RCOR1: variants seen among roughly 807,000 people sequenced by gnomAD.
RCOR1 encodes REST corepressor.
Under a neutral mutation model 64.0 loss-of-function variants are expected in RCOR1, and 12 were observed. That is an observed-to-expected ratio of 0.19 (90% CI 0.12 to 0.30). RCOR1 has a LOEUF of 0.30. Among genes scored for constraint, RCOR1 ranks in the 10% least tolerant of loss-of-function variants. The pLI, the probability that RCOR1 is intolerant of heterozygous loss-of-function variation, is 1.00. For synonymous variants in RCOR1, 279 were observed against 227.2 expected (o/e 1.23, Z -2.05); for missense variants, 502 against 621.2 (o/e 0.81, Z 2.04).
At chr14:102,605,708 C>G (rs995788101) in intron 2 of RCOR1, among the ~76,000 whole-genome samples, 6 of 152,250 alleles carry the variant, frequency 3.9e-5, no homozygotes, top group South Asian at 4.1e-4. Flanking sequence ...GAGTGTATTC[C>G]TACTTATAAA....
chr14:102,686,621 G>C (rs781677164), intron 3 of RCOR1, among the ~76,000 whole-genome samples: 1 of 152,144 alleles, frequency 6.6e-6, no homozygotes, highest in African/African-American at 2.4e-5. Flanking sequence ...CTAAACCCTG[G>C]CAACTGTTGA....
In RCOR1 at chr14:102,666,294, C is replaced by G. The variant is rs190899500; in HGVS notation, c.362-15601C>G. Among the ~76,000 whole-genome samples, 9 of 152,230 alleles carry G rather than the reference C, an allele frequency of 5.9e-5. 1 individual carries two copies. The highest frequency in any genetic ancestry group is 2.2e-4 in the African/African-American group (9 of 41,536). On this transcript the variant is annotated intron_variant, in intron 2 of 11. Coordinates refer to ENST00000262241, the MANE Select transcript of RCOR1 (RefSeq NM_015156.4). ...GGGTCTTGCATGCCATGGGTTTTTTCCCTAAAGACAGCGGGGGAAGCAGCA... is the reference window on the plus strand; with the variant it reads ...GGGTCTTGCATGCCATGGGTTTTTTGCCTAAAGACAGCGGGGGAAGCAGCA...
intron 2 of RCOR1, among the ~76,000 whole-genome samples, chr14:102,635,963 C>T (rs1047623058): frequency 1.3e-4 from 19 of 149,502 alleles, no homozygotes; most frequent in Middle Eastern, 6.9e-3. Flanking sequence ...TCCCTTCTGA[C>T]AGAGAGTCTC....
At chr14:102,628,109 A>C (rs1218787112) in intron 2 of RCOR1, among the ~76,000 whole-genome samples, 1 of 152,094 alleles carries the variant, frequency 6.6e-6, no homozygotes, top group Non-Finnish European at 1.5e-5. Context: ...CAGGTGAGCC[A>C]GTGTCTCAGC....
chr14:102,713,381 C>A lies in RCOR1; in HGVS notation c.859-1042C>A, dbSNP rs995858859. Among the ~76,000 whole-genome samples the A allele has an allele frequency of 3.3e-5, 5 of 151,010 alleles. 1 individual carries two copies. Among genetic ancestry groups the A allele is most frequent in the South Asian group, 2.1e-4 (1 of 4,778 alleles). On this transcript the variant is annotated intron_variant, in intron 7 of 11. Coordinates refer to ENST00000262241, the MANE Select transcript of RCOR1 (RefSeq NM_015156.4). ...TCATGCCATTCTCCTGCCTCAGCCT[C>A]CCGCCATTCTCCTGCTTCAGCCTCC...
At chr14:102,618,163 G>A (rs143976444) in intron 2 of RCOR1, among the ~76,000 whole-genome samples, 2,530 of 151,442 alleles carry the variant, frequency 0.017, 76 homozygotes, top group African/African-American at 0.058. Context: ...TAGTAGAGAT[G>A]GGGTCTCACC....
chr14:102,715,490 T>G (rs1354290755), intron 8 of RCOR1, among the ~76,000 whole-genome samples: 1 of 152,040 alleles, frequency 6.6e-6, no homozygotes, highest in Non-Finnish European at 1.5e-5. Context: ...CAAATGATCC[T>G]CCCATCTCAG....
intron 2 of RCOR1, among the ~76,000 whole-genome samples, chr14:102,674,059 T>G (rs557788675): frequency 6.6e-6 from 1 of 152,366 alleles, no homozygotes; most frequent in Admixed American, 6.5e-5. Context: ...GTACATATAT[T>G]CAGAGATTTA....
At chr14:102,673,020 AAATAGTATTTG>A (rs1340550353) in intron 2 of RCOR1, among the ~76,000 whole-genome samples, 1 of 152,136 alleles carries the variant, frequency 6.6e-6, no homozygotes, top group African/African-American at 2.4e-5. Context: ...AATGTACACA[AAATAGTATTTG>A]TCTGCTTAAC....
chr14:102,698,087 A>G (rs968626549), intron 3 of RCOR1, among the ~76,000 whole-genome samples: 1 of 152,238 alleles, frequency 6.6e-6, no homozygotes, highest in Non-Finnish European at 1.5e-5. Context: ...TATTGTTTAC[A>G]ATATGGCAGA....
intron 3 of RCOR1, among the ~76,000 whole-genome samples, chr14:102,684,150 C>T (rs920634004): frequency 6.6e-6 from 1 of 152,214 alleles, no homozygotes; most frequent in Non-Finnish European, 1.5e-5. Context: ...CCCCTGCCCC[C>T]AACCCGCTGC....
chr14:102,600,156 A>G (rs1322325079), intron 2 of RCOR1, among the ~76,000 whole-genome samples: 1 of 151,894 alleles, frequency 6.6e-6, no homozygotes, highest in Non-Finnish European at 1.5e-5. Flanking sequence ...GCGCGATCTC[A>G]GCTCACTACA....
At chr14:102,707,284 G>T (rs2139983782) in intron 4 of RCOR1, 67 bp from the exon 5 acceptor site, 3,001 of 1,056,818 alleles carry the variant, frequency 2.8e-3, no homozygotes, top group East Asian at 3.3e-3. Flanking sequence ...CTTTTCTTTT[G>T]CTGGTCTCAT....
At chr14:102,699,298 T>C (rs1895708126) in intron 3 of RCOR1, among the ~76,000 whole-genome samples, 1 of 152,262 alleles carries the variant, frequency 6.6e-6, no homozygotes, top group Admixed American at 6.5e-5. Flanking sequence ...CTGAGTGAAG[T>C]AACCAGTTTG....
rs534451066 is a variant in RCOR1 at position 102,595,620 on chromosome 14, C to T, written c.361+2295C>T. ...TGAGACGGAGTCTTGCTCTGTCCCTCAGGCTGGAGTGCGCAGTGGTGTGAT... is the reference window on the plus strand; with the variant it reads ...TGAGACGGAGTCTTGCTCTGTCCCTTAGGCTGGAGTGCGCAGTGGTGTGAT... On this transcript the variant is annotated intron_variant, in intron 2 of 11. Coordinates refer to ENST00000262241, the MANE Select transcript of RCOR1 (RefSeq NM_015156.4). Among the ~76,000 whole-genome samples, 3 of 150,936 alleles carry T rather than the reference C, an allele frequency of 2.0e-5. No homozygotes were observed. The East Asian group carries it at 5.8e-4, about 29-fold the overall frequency.
Position 102,593,196 on chromosome 14 carries a change from C to A in RCOR1, c.301+9C>A. The A allele has an allele frequency of 6.7e-7, 1 of 1,484,022 alleles. No homozygotes were observed. Among genetic ancestry groups the A allele is most frequent in the Non-Finnish European group, 8.9e-7 (1 of 1,122,600 alleles). The allele number at this position is 1,484,022 out of a possible 1,614,324, so 91.9% of individuals were successfully genotyped here. ...CAGCGACGAGGAGCACGGTAGGTGG[C>A]AGCCGCCCCCGCGGCCCCGGGCCCC... On this transcript the variant is annotated intron_variant, in intron 1 of 11. Coordinates refer to ENST00000262241, the MANE Select transcript of RCOR1 (RefSeq NM_015156.4).
chr14:102,675,258 T>C (rs1342302270), intron 2 of RCOR1, among the ~76,000 whole-genome samples: 1 of 152,110 alleles, frequency 6.6e-6, no homozygotes, highest in African/African-American at 2.4e-5. Context: ...ACTCCTCCCT[T>C]ATCCATGAAA....
chr14:102,615,855 C>A (rs888999640), intron 2 of RCOR1, among the ~76,000 whole-genome samples: 2 of 152,194 alleles, frequency 1.3e-5, no homozygotes, highest in African/African-American at 4.8e-5. Context: ...ACTACACTTT[C>A]ACAACATGCT....
At chr14:102,675,392 CTG>C in intron 2 of RCOR1, among the ~76,000 whole-genome samples, 1 of 152,264 alleles carries the variant, frequency 6.6e-6, no homozygotes, top group African/African-American at 2.4e-5. Flanking sequence ...GTTAGACACA[CTG>C]AGAGATCAAC....
Sources: allele counts gnomAD v4.1 joint callset (sites outside exome capture counted in the v4.1 genomes callset), GRCh38; gene constraint gnomAD v4.1.1; transcripts MANE v1.5; gene names NCBI Gene and HGNC (gene_info 2026-07-23, HGNC 2026-07-21).